The following FAT4 variants were observed in gnomAD, a reference collection of about 807,000 sequenced individuals.
FAT4 encodes protocadherin Fat 4.
Under a neutral mutation model 303.9 loss-of-function variants are expected in FAT4, and 84 were observed. The observed-to-expected ratio is 0.28, with a 90% CI of 0.23 to 0.33. The LOEUF (loss-of-function observed/expected upper bound fraction) is 0.33, where lower values mean the gene tolerates loss of function less well. FAT4 is among the 10% of genes least tolerant of loss of function. The probability of loss-of-function intolerance (pLI) is 1.00; values close to 1 mark genes in which losing one functional copy is unlikely to be tolerated. For synonymous variants in FAT4, 2,307 were observed against 2,298.8 expected (o/e 1.00, Z -0.10); for missense variants, 6,005 against 6,146.8 (o/e 0.98, Z 0.77).
intron 5 of FAT4, among the ~76,000 whole-genome samples, chr4:125,413,147 A>T (rs538138834): frequency 6.6e-6 from 1 of 151,938 alleles, no homozygotes; most frequent in East Asian, 1.9e-4. Flanking sequence ...TTGTAATGAA[A>T]GTCCTAAAAG....
chr4:125,449,200 T>C lies in FAT4; in HGVS notation c.8190T>C (p.Val2730=). ...ATGCTACTGGTGAAATTAGAAGCGT[T>C]AGACCTTTGGACAGGGAAAAAGTAT... ...INHATGEIRS[V]RPLDREKVSH... is the part of the protein sequence containing the mutation. Residue 2730 remains valine (V), a synonymous_variant, in exon 10 of 18, where the codon GTT becomes GTC. Coordinates refer to ENST00000394329, the MANE Select transcript of FAT4 (RefSeq NM_001291303.3). The C allele has an allele frequency of 6.2e-7, 1 of 1,613,982 alleles. No homozygotes were observed. Among genetic ancestry groups the C allele is most frequent in the Non-Finnish European group, 8.5e-7 (1 of 1,179,898 alleles).
intron 10 of FAT4, among the ~76,000 whole-genome samples, chr4:125,461,112 T>A (rs1326251386): frequency 1.3e-5 from 2 of 152,032 alleles, no homozygotes; most frequent in African/African-American, 2.4e-5. Context: ...AATGAATAAG[T>A]CTTATTTGTG....
intron 2 of FAT4, among the ~76,000 whole-genome samples, chr4:125,324,011 C>G (rs894589840): frequency 6.6e-6 from 1 of 152,122 alleles, no homozygotes; most frequent in Non-Finnish European, 1.5e-5. Flanking sequence ...GACTATGACT[C>G]TGATATTGTT....
chr4:125,426,278 A>G (rs190292943), intron 7 of FAT4, among the ~76,000 whole-genome samples: 118 of 152,236 alleles, frequency 7.8e-4, no homozygotes, highest in African/African-American at 2.8e-3. Flanking sequence ...CTTGTCTGTT[A>G]TGATCAACAT....
At chr4:125,483,935 C>CTT (rs1727312911) in intron 16 of FAT4, among the ~76,000 whole-genome samples, 2 of 77,544 alleles carry the variant, frequency 2.6e-5, no homozygotes, top group African/African-American at 4.9e-5. Context: ...CCCAGGGTTC[C>CTT]GTTTTTTTTT....
chr4:125,332,019 C>T (rs991382589), intron 2 of FAT4, among the ~76,000 whole-genome samples: 1 of 152,146 alleles, frequency 6.6e-6, no homozygotes, highest in African/African-American at 2.4e-5. Flanking sequence ...TTCATAGCTT[C>T]TTGTGAGAAA....
chr4:125,319,306 G>A lies in FAT4; in HGVS notation c.2895G>A (p.Glu965=). ...LDVHAGSYQI[E]ILASDMGVPQ... Reference sequence around the variant, plus strand: ...TTCATGCTGGCTCCTACCAAATAGAGATCTTGGCATCTGACATGGGTGTCC... The same window carrying A: ...TTCATGCTGGCTCCTACCAAATAGAAATCTTGGCATCTGACATGGGTGTCC... The change falls in exon 2 of 18, where the codon GAG becomes GAA. Residue 965 remains glutamate, a synonymous_variant. Transcript: ENST00000394329. 6.2e-7 allele frequency: 1 copy of A among 1,614,092 alleles called. No homozygotes were observed. Among genetic ancestry groups the A allele is most frequent in the Non-Finnish European group, 8.5e-7 (1 of 1,180,020 alleles).
chr4:125,432,484 A>C (rs1725313354), intron 7 of FAT4, among the ~76,000 whole-genome samples: 1 of 152,216 alleles, frequency 6.6e-6, no homozygotes, highest in South Asian at 2.1e-4. Context: ...AATATGTTGC[A>C]TGGAATTTTG....
At chr4:125,475,318 C>T (rs78440285) in intron 12 of FAT4, among the ~76,000 whole-genome samples, 3,484 of 152,094 alleles carry the variant, frequency 0.023, 136 homozygotes, top group African/African-American at 0.081. Flanking sequence ...CTGCAGCCAT[C>T]CTCACTTGCT....
chr4:125,382,528 C>G (rs1340377727), intron 2 of FAT4, among the ~76,000 whole-genome samples: 1 of 152,126 alleles, frequency 6.6e-6, no homozygotes, highest in Non-Finnish European at 1.5e-5. Context: ...TAAACATTTG[C>G]TGTCATCCAG....
At chr4:125,333,799 C>T (rs1242104017) in intron 2 of FAT4, among the ~76,000 whole-genome samples, 1 of 152,094 alleles carries the variant, frequency 6.6e-6, no homozygotes, top group Non-Finnish European at 1.5e-5. Context: ...CTATTGAAAA[C>T]ATCGGTGCTG....
chr4:125,430,812 G>T (rs1318406537), intron 7 of FAT4, among the ~76,000 whole-genome samples: 1 of 152,158 alleles, frequency 6.6e-6, no homozygotes, highest in Non-Finnish European at 1.5e-5. Context: ...GTGGCTTAAG[G>T]ATCATCTGCC....
chr4:125,331,875 G>A lies in FAT4; in HGVS notation c.5175+10289G>A, dbSNP rs566649113. On this transcript the variant is annotated intron_variant, in intron 2 of 17. Coordinates refer to ENST00000394329, the MANE Select transcript of FAT4 (RefSeq NM_001291303.3). ...AACACGCAGCAAAGAAAATACTGCTGGACAATCCCTCTTGCCTTAAGTTTA... is the reference window on the plus strand; with the variant it reads ...AACACGCAGCAAAGAAAATACTGCTAGACAATCCCTCTTGCCTTAAGTTTA... Among the ~76,000 whole-genome samples, 4 of 152,188 alleles carry A rather than the reference G, an allele frequency of 2.6e-5. No individual in the cohort carries two copies. The East Asian group carries it at 7.7e-4, about 29-fold the overall frequency.
intron 15 of FAT4, among the ~76,000 whole-genome samples, chr4:125,481,252 T>A (rs1009917044): frequency 6.6e-6 from 1 of 152,226 alleles, no homozygotes; most frequent in African/African-American, 2.4e-5. Flanking sequence ...TTACGTAATG[T>A]GGCAAATAGT....
At chr4:125,359,201 C>T (rs1732551982) in intron 2 of FAT4, among the ~76,000 whole-genome samples, 1 of 152,006 alleles carries the variant, frequency 6.6e-6, no homozygotes, top group African/African-American at 2.4e-5. Context: ...TACTAGTTTC[C>T]CCATTTTCCT....
At chr4:125,366,453 T>TTTA (rs1732889973) in intron 2 of FAT4, among the ~76,000 whole-genome samples, 1 of 152,200 alleles carries the variant, frequency 6.6e-6, no homozygotes, top group South Asian at 2.1e-4. Context: ...GGCTGCGTAG[T>TTTA]ATTCCATGGT....
At chr4:125,413,075 T>A (rs1168071684) in intron 5 of FAT4, among the ~76,000 whole-genome samples, 1 of 151,784 alleles carries the variant, frequency 6.6e-6, no homozygotes, top group Non-Finnish European at 1.5e-5. Context: ...AATATGTATA[T>A]GTTATAATGT....
In FAT4 at chr4:125,449,453, G is replaced by A. The variant is rs750810694; in HGVS notation, c.8443G>A (p.Asp2815Asn). 1.9e-6 allele frequency: 3 copies of A among 1,613,688 alleles called. No individual in the cohort carries two copies. The highest frequency in any genetic ancestry group is 2.5e-6 in the Non-Finnish European group (3 of 1,179,860). The change falls in exon 10 of 18, where the codon GAT (aspartate) becomes AAT (asparagine). Residue 2815 changes from aspartate to asparagine, a missense_variant. Asp to Asn is a conservative substitution (Grantham distance 23). Coordinates refer to ENST00000394329, the MANE Select transcript of FAT4 (RefSeq NM_001291303.3). Reference protein sequence around the residue: ...INAISRYSIMDASLPFTINPS... With the variant: ...INAISRYSIMNASLPFTINPS... ...TGCAATTAGTAGATATTCTATAATGGATGCAAGTCTTCCATTTACAATTAA... is the reference window on the plus strand; with the variant it reads ...TGCAATTAGTAGATATTCTATAATGAATGCAAGTCTTCCATTTACAATTAA...
chr4:125,379,824 A>C (rs1733471333), intron 2 of FAT4, among the ~76,000 whole-genome samples: 4 of 70,830 alleles, frequency 5.6e-5, no homozygotes. Flanking sequence ...GTATATTCTA[A>C]AAAAAAAAAC....
Sources: allele counts gnomAD v4.1 joint callset (sites outside exome capture counted in the v4.1 genomes callset), GRCh38; gene constraint gnomAD v4.1.1; transcripts MANE v1.5; gene names NCBI Gene and HGNC (gene_info 2026-07-23, HGNC 2026-07-21).